The following CACNA2D3 variants were observed in gnomAD, a reference collection of about 807,000 sequenced individuals.
The protein encoded by CACNA2D3 is calcium voltage-gated channel auxiliary subunit alpha2delta 3.
Under a neutral mutation model 160.6 loss-of-function variants are expected in CACNA2D3, and 60 were observed. That is an observed-to-expected ratio of 0.37 (90% CI 0.30 to 0.46). The LOEUF (loss-of-function observed/expected upper bound fraction) is 0.46, where lower values mean the gene tolerates loss of function less well. Ranked by LOEUF, CACNA2D3 falls within the 20% of genes least tolerant of loss-of-function variation. The probability of loss-of-function intolerance (pLI) is 1.00; values close to 1 mark genes in which losing one functional copy is unlikely to be tolerated. For missense variants in CACNA2D3, 1,205 were observed against 1,365.0 expected, an observed-to-expected ratio of 0.88 and a Z score of 1.85; for synonymous variants, 558 against 492.9, an observed-to-expected ratio of 1.13 and a Z score of -1.75.
intron 4 of CACNA2D3, among the ~76,000 whole-genome samples, chr3:54,491,083 C>G (rs1701101622): frequency 6.6e-6 from 1 of 152,104 alleles, no homozygotes; most frequent in Non-Finnish European, 1.5e-5. Flanking sequence ...GGTTCTGTTT[C>G]TTTGGAGAAC....
chr3:54,465,127 C>G (rs1700597118), intron 4 of CACNA2D3, among the ~76,000 whole-genome samples: 1 of 151,540 alleles, frequency 6.6e-6, no homozygotes, highest in South Asian at 2.1e-4. Context: ...TCTGCTTCAT[C>G]TAGTCTGTCG....
At chr3:54,176,818 A>G (rs1240618586) in intron 2 of CACNA2D3, among the ~76,000 whole-genome samples, 1 of 151,694 alleles carries the variant, frequency 6.6e-6, no homozygotes, top group Non-Finnish European at 1.5e-5. Context: ...ACCTGCCCCC[A>G]GGAAGTGTTG....
intron 11 of CACNA2D3, among the ~76,000 whole-genome samples, chr3:54,677,788 T>C (rs771395274): frequency 4.6e-5 from 7 of 152,244 alleles, no homozygotes; most frequent in Non-Finnish European, 8.8e-5. Flanking sequence ...CTTGTTGTAG[T>C]GACCACAGGA....
chr3:55,041,929 G>A (rs561912066), intron 35 of CACNA2D3, among the ~76,000 whole-genome samples: 8 of 152,040 alleles, frequency 5.3e-5, no homozygotes, highest in Non-Finnish European at 8.8e-5. Context: ...GAAGTGTGCC[G>A]CTTAATTTTC....
intron 2 of CACNA2D3, among the ~76,000 whole-genome samples, chr3:54,131,313 T>G (rs1001708756): frequency 6.6e-6 from 1 of 152,120 alleles, no homozygotes; most frequent in Non-Finnish European, 1.5e-5. Context: ...TATGCACCCT[T>G]CCCCTAGAGA....
At chr3:54,480,912 C>A (rs1418744408) in intron 4 of CACNA2D3, among the ~76,000 whole-genome samples, 3 of 152,162 alleles carry the variant, frequency 2.0e-5, no homozygotes, top group African/African-American at 7.2e-5. Context: ...AAAAAGAAAA[C>A]AATCCATAGA....
At chr3:54,892,529 T>A (rs889601919) in intron 25 of CACNA2D3, among the ~76,000 whole-genome samples, 1 of 152,238 alleles carries the variant, frequency 6.6e-6, no homozygotes, top group African/African-American at 2.4e-5. Context: ...GTTCCAGGAC[T>A]TTGACCTTCT....
chr3:54,478,909 T>G (rs1700887275), intron 4 of CACNA2D3, among the ~76,000 whole-genome samples: 1 of 151,586 alleles, frequency 6.6e-6, no homozygotes, highest in African/African-American at 2.4e-5. Flanking sequence ...ATTGCCTAAT[T>G]TATAAATTAA....
At chr3:54,314,549 C>A (rs949577812) in intron 2 of CACNA2D3, among the ~76,000 whole-genome samples, 3 of 151,656 alleles carry the variant, frequency 2.0e-5, no homozygotes, top group Non-Finnish European at 2.9e-5. Flanking sequence ...CCCTTTTTAC[C>A]ACATCCACAC....
intron 10 of CACNA2D3, among the ~76,000 whole-genome samples, chr3:54,636,133 G>A (rs990610757): frequency 1.8e-4 from 27 of 151,854 alleles, no homozygotes; most frequent in Non-Finnish European, 3.2e-4. Context: ...AGATTTCCAC[G>A]ATGGAAAGGA....
chr3:54,179,195 A>G (rs2067581), intron 2 of CACNA2D3, among the ~76,000 whole-genome samples: 45,140 of 152,074 alleles, frequency 0.3, 6,925 homozygotes, highest in East Asian at 0.39. Context: ...AATAGCCATG[A>G]AAGAATCTTC....
chr3:54,451,408 C>T (rs1700306608), intron 4 of CACNA2D3, among the ~76,000 whole-genome samples: 1 of 151,746 alleles, frequency 6.6e-6, no homozygotes, highest in Admixed American at 6.6e-5. Context: ...CACCACCACG[C>T]TCAGCTAATT....
intron 4 of CACNA2D3, among the ~76,000 whole-genome samples, chr3:54,466,636 G>A (rs1575472301): frequency 6.6e-6 from 1 of 152,194 alleles, no homozygotes; most frequent in Non-Finnish European, 1.5e-5. Flanking sequence ...AAAGAAAAAT[G>A]GACTTAAACA....
intron 3 of CACNA2D3, among the ~76,000 whole-genome samples, chr3:54,347,578 A>T (rs1698481665): frequency 6.6e-6 from 1 of 152,142 alleles, no homozygotes; most frequent in East Asian, 1.9e-4. Flanking sequence ...TATATTAAAC[A>T]TCAGATGTTT....
At chr3:54,295,376 T>C (rs1703316873) in intron 2 of CACNA2D3, among the ~76,000 whole-genome samples, 1 of 152,164 alleles carries the variant, frequency 6.6e-6, no homozygotes. Flanking sequence ...AAAGTTTATT[T>C]TGCCAAGGTT....
At chr3:54,767,963 G>C (rs1702253220) in intron 13 of CACNA2D3, among the ~76,000 whole-genome samples, 3 of 152,164 alleles carry the variant, frequency 2.0e-5, no homozygotes, top group Non-Finnish European at 4.4e-5. Flanking sequence ...GGTGAGAAGA[G>C]TGCAGTGTAT....
chr3:54,837,260 A>T (rs761111721), intron 15 of CACNA2D3, 30 bp downstream of exon 15: 1 of 1,598,482 alleles, frequency 6.3e-7, no homozygotes, highest in South Asian at 1.1e-5. Context: ...TTCCTGCTTG[A>T]TGCTAGGAGG....
At chr3:54,491,357 C>T (rs186427219) in intron 4 of CACNA2D3, among the ~76,000 whole-genome samples, 9 of 152,310 alleles carry the variant, frequency 5.9e-5, no homozygotes, top group Non-Finnish European at 1.0e-4. Context: ...AAGCCCTTTG[C>T]GGTGGCACCT....
chr3:55,058,136 C>G (rs537767688), intron 35 of CACNA2D3, among the ~76,000 whole-genome samples: 70 of 152,230 alleles, frequency 4.6e-4, no homozygotes, highest in African/African-American at 1.7e-3. Flanking sequence ...AATAATCATG[C>G]TATGTTGTGA....
Sources: allele counts gnomAD v4.1 joint callset (sites outside exome capture counted in the v4.1 genomes callset), GRCh38; gene constraint gnomAD v4.1.1; transcripts MANE v1.5; gene names NCBI Gene and HGNC (gene_info 2026-07-23, HGNC 2026-07-21).